CDH13: variants seen among roughly 807,000 people sequenced by gnomAD.
The protein encoded by CDH13 is cadherin-13.
Under a neutral mutation model 63.8 loss-of-function variants are expected in CDH13, and 24 were observed. The observed-to-expected ratio is 0.38, with a 90% CI of 0.27 to 0.53. The LOEUF is 0.53. Among genes scored for constraint, CDH13 ranks in the 20% least tolerant of loss-of-function variants. The probability of loss-of-function intolerance (pLI) is 0.85; values close to 1 mark genes in which losing one functional copy is unlikely to be tolerated. For synonymous variants in CDH13, 503 were observed against 355.3 expected, an observed-to-expected ratio of 1.42 and a Z score of -4.67; for missense variants, 1,049 against 903.1, an observed-to-expected ratio of 1.16 and a Z score of -2.07.
chr16:83,443,705 G>GAA (rs1167862979), intron 6 of CDH13, among the ~76,000 whole-genome samples: 4 of 107,118 alleles, frequency 3.7e-5, no homozygotes, highest in African/African-American at 1.7e-4. Flanking sequence ...AAGTCCCTAC[G>GAA]AAAAAAAAAA....
At chr16:83,422,322 C>G (rs1021908705) in intron 6 of CDH13, among the ~76,000 whole-genome samples, 4 of 152,152 alleles carry the variant, frequency 2.6e-5, no homozygotes, top group Admixed American at 6.5e-5. Context: ...AATAGGGGAA[C>G]TTAAGAACCA....
At chr16:83,538,291 T>C (rs1051505159) in intron 7 of CDH13, among the ~76,000 whole-genome samples, 1 of 152,230 alleles carries the variant, frequency 6.6e-6, no homozygotes, top group Non-Finnish European at 1.5e-5. Flanking sequence ...AGATTTATTT[T>C]GGTTTACACC....
chr16:83,052,303 GA>G (rs2030423898), intron 3 of CDH13, among the ~76,000 whole-genome samples: 1 of 152,188 alleles, frequency 6.6e-6, no homozygotes, highest in African/African-American at 2.4e-5. Context: ...TCTTTGGCAA[GA>G]AGCAGCACAC....
chr16:82,929,730 A>C (rs9941054), intron 2 of CDH13, among the ~76,000 whole-genome samples: 51,847 of 148,082 alleles, frequency 0.35, 9,983 homozygotes, highest in Non-Finnish European at 0.43. Context: ...ACAGACACCA[A>C]ACTTGCTGGT....
chr16:83,288,523 C>G (rs1040538174), intron 5 of CDH13, among the ~76,000 whole-genome samples: 8 of 152,152 alleles, frequency 5.3e-5, no homozygotes, highest in African/African-American at 1.7e-4. Context: ...TGGCAGCTCC[C>G]TGTGCCTTCT....
At chr16:83,404,840 G>T (rs2092018403) in intron 6 of CDH13, among the ~76,000 whole-genome samples, 1 of 152,166 alleles carries the variant, frequency 6.6e-6, no homozygotes. Flanking sequence ...GGATCTGTCG[G>T]ACGCCGTGTA....
chr16:83,581,928 A>G (rs1332409949), intron 7 of CDH13, among the ~76,000 whole-genome samples: 1 of 152,158 alleles, frequency 6.6e-6, no homozygotes, highest in East Asian at 1.9e-4. Flanking sequence ...CTTCTTTACA[A>G]TCATTCTGCT....
intron 2 of CDH13, among the ~76,000 whole-genome samples, chr16:83,030,833 G>A (rs1916241448): frequency 2.6e-5 from 4 of 151,620 alleles, no homozygotes; most frequent in Admixed American, 2.0e-4. Flanking sequence ...GACATTTTCA[G>A]CCTCATTTCC....
intron 2 of CDH13, among the ~76,000 whole-genome samples, chr16:82,906,805 T>A (rs2041661577): frequency 6.6e-6 from 1 of 152,180 alleles, no homozygotes; most frequent in African/African-American, 2.4e-5. Flanking sequence ...GTCCTTGGCA[T>A]TCCCTGCAGG....
At chr16:83,381,435 A>C (rs759105670) in intron 6 of CDH13, among the ~76,000 whole-genome samples, 1 of 151,918 alleles carries the variant, frequency 6.6e-6, no homozygotes, top group Non-Finnish European at 1.5e-5. Flanking sequence ...TGCGTTCCCT[A>C]TCCATGTTCA....
At chr16:83,499,050 T>C (rs1349626962) in intron 7 of CDH13, among the ~76,000 whole-genome samples, 1 of 152,238 alleles carries the variant, frequency 6.6e-6, no homozygotes, top group Non-Finnish European at 1.5e-5. Context: ...AGAAGTTTCT[T>C]GTGATCAAAT....
At chr16:83,134,405 C>T (rs1324539275) in intron 4 of CDH13, among the ~76,000 whole-genome samples, 8 of 151,830 alleles carry the variant, frequency 5.3e-5, no homozygotes, top group Admixed American at 5.3e-4. Flanking sequence ...AGCCAGGCTG[C>T]TCTGGAACTC....
chr16:83,643,299 A>G (rs975438160), intron 8 of CDH13, among the ~76,000 whole-genome samples: 1 of 48,556 alleles, frequency 2.1e-5, no homozygotes, highest in African/African-American at 1.1e-4. Flanking sequence ...AAAAAAAAAA[A>G]AAGAAAAAAA....
intron 7 of CDH13, among the ~76,000 whole-genome samples, chr16:83,528,371 T>G (rs1233804260): frequency 1.3e-5 from 2 of 152,178 alleles, no homozygotes; most frequent in Non-Finnish European, 2.9e-5. Flanking sequence ...TATTTTTCCA[T>G]TAAGTCTTCT....
chr16:83,062,920 G>A (rs1460008009), intron 3 of CDH13, among the ~76,000 whole-genome samples: 1 of 150,546 alleles, frequency 6.6e-6, no homozygotes, highest in East Asian at 1.9e-4. Context: ...GTGCTGTTTT[G>A]TCTCCCTCAT....
At chr16:82,947,933 A>G (rs538402206) in intron 2 of CDH13, among the ~76,000 whole-genome samples, 98 of 152,260 alleles carry the variant, frequency 6.4e-4, no homozygotes, top group African/African-American at 2.3e-3. Context: ...GTGCCTCATC[A>G]CTCTGAATTC....
At chr16:83,208,583 G>T (rs1233857049) in intron 4 of CDH13, among the ~76,000 whole-genome samples, 1 of 152,030 alleles carries the variant, frequency 6.6e-6, no homozygotes, top group African/African-American at 2.4e-5. Context: ...TCCTGTGTAA[G>T]TAATATAGGC....
intron 10 of CDH13, among the ~76,000 whole-genome samples, chr16:83,681,522 C>G (rs1915401262): frequency 6.6e-6 from 1 of 152,134 alleles, no homozygotes; most frequent in Admixed American, 6.5e-5. Flanking sequence ...CTTTCTCAGC[C>G]TGGCACTGGC....
intron 3 of CDH13, among the ~76,000 whole-genome samples, chr16:83,119,368 T>G (rs904938362): frequency 2.6e-5 from 4 of 152,158 alleles, no homozygotes; most frequent in African/African-American, 9.7e-5. Flanking sequence ...CTGAATGCAA[T>G]TCCTCATGTC....
Sources: gnomAD v4.1 joint callset for allele counts (sites outside exome capture counted in the v4.1 genomes callset) on GRCh38, gnomAD v4.1.1 for gene constraint, MANE v1.5 for transcripts, NCBI Gene and HGNC (gene_info 2026-07-23, HGNC 2026-07-21) for gene names.